BTG4: variants seen among roughly 807,000 people sequenced by gnomAD.
The protein encoded by BTG4 is protein BTG4.
A neutral mutation model predicts 19.3 loss-of-function variants in BTG4; 10 were observed. The ratio of observed to expected loss-of-function variants is 0.52; its 90% CI spans 0.32 to 0.88. The LOEUF (loss-of-function observed/expected upper bound fraction) is 0.88, where lower values mean the gene tolerates loss of function less well. Among genes scored for constraint, BTG4 ranks in the 40% least tolerant of loss-of-function variants. The probability of loss-of-function intolerance (pLI) is 0.04; values close to 1 mark genes in which losing one functional copy is unlikely to be tolerated. For synonymous variants in BTG4, 91 were observed against 95.7 expected, an observed-to-expected ratio of 0.95 and a Z score of 0.29; for missense variants, 238 against 281.9, an observed-to-expected ratio of 0.84 and a Z score of 1.11.
At chr11:111,443,539 CA>C in the BTG4 span, among the ~76,000 whole-genome samples, 28 of 151,470 alleles carry the variant, frequency 1.8e-4, no homozygotes, top group African/African-American at 6.6e-4. Context: ...TAAAGTTTTT[CA>C]AAAAAATATC....
At chr11:111,488,172 C>T (rs1464146156) in intron 5 of BTG4, among the ~76,000 whole-genome samples, 1 of 152,118 alleles carries the variant, frequency 6.6e-6, no homozygotes, top group Non-Finnish European at 1.5e-5. Context: ...AAGAGCAAAA[C>T]TGAAGGAATT....
intron 5 of BTG4, among the ~76,000 whole-genome samples, chr11:111,481,097 T>A (rs1254086681): frequency 6.6e-6 from 1 of 151,764 alleles, no homozygotes; most frequent in African/African-American, 2.4e-5. Flanking sequence ...ATATCAAGAA[T>A]GAATGTAGGG....
At chr11:111,422,489 C>G in the BTG4 span, among the ~76,000 whole-genome samples, 1 of 152,208 alleles carries the variant, frequency 6.6e-6, no homozygotes, top group Non-Finnish European at 1.5e-5. Flanking sequence ...AATGCATGTG[C>G]ACACAGGCCT....
intron 1 of BTG4, 134 bp from the exon 2 acceptor site, chr11:111,498,936 T>A: frequency 1.7e-6 from 1 of 597,102 alleles, no homozygotes; most frequent in Non-Finnish European, 2.8e-6. Flanking sequence ...AAGTCCTTAG[T>A]AAACTAGGTA....
chr11:111,498,307 A>G (rs541372273), intron 2 of BTG4, among the ~76,000 whole-genome samples, 172 bp from the exon 3 acceptor site: 1 of 152,272 alleles, frequency 6.6e-6, no homozygotes, highest in South Asian at 2.1e-4. Context: ...TCAACTTTTG[A>G]TACAGTGGCT....
chr11:111,397,297 G>A, the BTG4 span, among the ~76,000 whole-genome samples: 4 of 152,212 alleles, frequency 2.6e-5, no homozygotes, highest in Admixed American at 6.5e-5. Flanking sequence ...TTAGGCCCCA[G>A]TCTAAATCCT....
At chr11:111,484,486 G>T (rs546735676) in intron 5 of BTG4, among the ~76,000 whole-genome samples, 2 of 152,200 alleles carry the variant, frequency 1.3e-5, no homozygotes, top group South Asian at 4.1e-4. Context: ...TGAAAGCAGG[G>T]GGTAGGGAGG....
chr11:111,466,355 A>C (rs960506078), downstream of BTG4, among the ~76,000 whole-genome samples: 5 of 152,216 alleles, frequency 3.3e-5, no homozygotes, highest in Non-Finnish European at 7.3e-5. Flanking sequence ...TATTGTAGGG[A>C]AGTAAGATTC....
At chr11:111,470,545 C>T (rs900048716) in intron 5 of BTG4, among the ~76,000 whole-genome samples, 1 of 152,170 alleles carries the variant, frequency 6.6e-6, no homozygotes, top group Non-Finnish European at 1.5e-5. Flanking sequence ...TTTAGATGCC[C>T]AAGTGGCAGC....
At chr11:111,478,246 C>G (rs1214294767) in intron 5 of BTG4, among the ~76,000 whole-genome samples, 1 of 152,164 alleles carries the variant, frequency 6.6e-6, no homozygotes, top group African/African-American at 2.4e-5. Context: ...GGAGCTAGAA[C>G]TCCTATACCT....
chr11:111,399,028 G>A, the BTG4 span: 1 of 152,186 alleles, frequency 6.6e-6, no homozygotes, highest in South Asian at 2.1e-4. Flanking sequence ...GAATACTGAA[G>A]ATCCTAGACC....
At chr11:111,442,172 G>A in the BTG4 span, among the ~76,000 whole-genome samples, 4 of 152,010 alleles carry the variant, frequency 2.6e-5, no homozygotes, top group Non-Finnish European at 5.9e-5. Context: ...AGAACTCCTT[G>A]GGGATATGGC....
chr11:111,456,478 G>A, the BTG4 span: 1 of 456,008 alleles, frequency 2.2e-6, no homozygotes, highest in South Asian at 1.5e-5. This position sits in a 1 kb window ranked among gnomAD's most constrained non-coding sequence, Gnocchi z 4.2. Context: ...CCGGCCCCCA[G>A]CCCAGGGCTG....
At chr11:111,439,149 C>T in the BTG4 span, among the ~76,000 whole-genome samples, 2 of 152,214 alleles carry the variant, frequency 1.3e-5, no homozygotes, top group Non-Finnish European at 2.9e-5. Flanking sequence ...ACAACAAAGC[C>T]ACTCAAACAG....
downstream of BTG4, among the ~76,000 whole-genome samples, chr11:111,493,007 A>T (rs1318989230): frequency 1.3e-5 from 2 of 151,980 alleles, no homozygotes; most frequent in East Asian, 1.9e-4. Flanking sequence ...TTACCCGGGC[A>T]TGGGGGCGCA....
downstream of BTG4, among the ~76,000 whole-genome samples, chr11:111,493,386 A>G (rs898699939): frequency 2.6e-5 from 4 of 152,226 alleles, no homozygotes. Context: ...TTGCCTGCAC[A>G]AGGGCAGAAG....
At chr11:111,468,382 C>A (rs907015833) in intron 5 of BTG4, among the ~76,000 whole-genome samples, 1 of 152,202 alleles carries the variant, frequency 6.6e-6, no homozygotes, top group African/African-American at 2.4e-5. Flanking sequence ...CTATGGGGTA[C>A]TTTTGTTATC....
intron 5 of BTG4, chr11:111,469,318 C>T (rs1863916062): frequency 6.6e-6 from 1 of 152,196 alleles, no homozygotes; most frequent in African/African-American, 2.4e-5. Context: ...GGACTCCAGC[C>T]CTGCCTTTCT....
chr11:111,491,671 G>A (rs1381991511), downstream of BTG4, among the ~76,000 whole-genome samples: 3 of 149,338 alleles, frequency 2.0e-5, no homozygotes, highest in African/African-American at 7.3e-5. Flanking sequence ...GGGAGTCAAG[G>A]CTGCAGTGAG....
Sources: allele counts gnomAD v4.1 joint callset (sites outside exome capture counted in the v4.1 genomes callset), GRCh38; gene constraint gnomAD v4.1.1; non-coding constraint Gnocchi (gnomAD v3.1); transcripts MANE v1.5; gene names NCBI Gene and HGNC (gene_info 2026-07-23, HGNC 2026-07-21).